The following RPRD2 variants were observed in gnomAD, a reference collection of about 807,000 sequenced individuals.
The protein encoded by RPRD2 is regulation of nuclear pre-mRNA domain containing 2.
RPRD2 carries 12 observed loss-of-function variants against 104.4 expected under a neutral mutation model. The observed-to-expected ratio is 0.11, with a 90% CI of 0.07 to 0.19. RPRD2 has a LOEUF of 0.19. Among genes scored for constraint, RPRD2 ranks in the 10% least tolerant of loss-of-function variants. RPRD2 has a pLI of 1.00. For missense variants in RPRD2, 1,543 were observed against 1,790.1 expected, an observed-to-expected ratio of 0.86 and a Z score of 2.49; for synonymous variants, 714 against 684.9, an observed-to-expected ratio of 1.04 and a Z score of -0.66.
chr1:150,381,706 G>A (rs113228110), intron 1 of RPRD2, among the ~76,000 whole-genome samples: 26 of 151,702 alleles, frequency 1.7e-4, no homozygotes, highest in Middle Eastern at 3.2e-3. Flanking sequence ...GGGTTTCACC[G>A]TGTCAGCCAG....
At position 150,389,599 on chromosome 1, in the gene RPRD2, C is replaced by T. The variant is rs587657445; in HGVS notation, c.205+24680C>T. Among the ~76,000 whole-genome samples, 4 of 152,170 alleles carry T rather than the reference C, an allele frequency of 2.6e-5. No individual in the cohort carries two copies. In the East Asian group the frequency reaches 7.7e-4, roughly 29 times the overall value. On this transcript the variant is annotated intron_variant, in intron 1 of 10. Coordinates refer to ENST00000369068, the MANE Select transcript of RPRD2 (RefSeq NM_015203.5). ...GGCTGAGATAGTTTTTTTCAGATTTCTTCTTTTTTGAAGCCTCTTACACAT... is the reference window on the plus strand; with the variant it reads ...GGCTGAGATAGTTTTTTTCAGATTTTTTCTTTTTTGAAGCCTCTTACACAT...
At position 150,364,750 on chromosome 1, in the gene RPRD2, C is replaced by G. The variant is rs1395750948; in HGVS notation, c.36C>G (p.Ala12=). The change falls in exon 1 of 11, where the codon GCC becomes GCG. Residue 12 remains alanine (A), a synonymous_variant. Coordinates refer to ENST00000369068, the MANE Select transcript of RPRD2 (RefSeq NM_015203.5). ...GCGGCGGCGGAGGCAGCAGTAAGGCCTCCTCCTCGTCGGCCTCTTCGGCAG... is the reference window on the plus strand; with the variant it reads ...GCGGCGGCGGAGGCAGCAGTAAGGCGTCCTCCTCGTCGGCCTCTTCGGCAG... ...AAGGGGGSSK[A]SSSSASSAGA... 1.9e-6 allele frequency: 3 copies of G among 1,596,752 alleles called. No individual in the cohort carries two copies. The highest frequency in any genetic ancestry group is 2.6e-6 in the Non-Finnish European group (3 of 1,171,482).
intron 9 of RPRD2, among the ~76,000 whole-genome samples, chr1:150,462,194 A>G (rs370605145): frequency 2.0e-5 from 3 of 152,038 alleles, no homozygotes; most frequent in East Asian, 1.9e-4. Flanking sequence ...AGGCAGGACA[A>G]TCACTTGAAC....
chr1:150,471,042 C>G lies in RPRD2; in HGVS notation c.2094C>G (p.Ser698Arg). 1 of 1,614,000 alleles carries G rather than the reference C, an allele frequency of 6.2e-7. No homozygotes were observed. The highest frequency in any genetic ancestry group is 8.5e-7 in the Non-Finnish European group (1 of 1,179,890). The change falls in exon 11 of 11, where the codon AGC (serine) becomes AGG (arginine). Residue 698 changes from serine to arginine, a missense_variant. Ser to Arg is a moderately radical substitution (Grantham distance 110). Coordinates refer to ENST00000369068, the MANE Select transcript of RPRD2 (RefSeq NM_015203.5). This position sits in a 1 kb window ranked among gnomAD's most constrained non-coding sequence, Gnocchi z 5.3. Reference protein sequence around the residue: ...NIPILSSLGSSAPSESHPSDF... With the variant: ...NIPILSSLGSRAPSESHPSDF... ...CAATCCTGAGCAGTTTGGGGTCCAG[C>G]GCCCCATCAGAGAGCCATCCCTCAG... is the stretch of plus-strand genomic sequence containing the variant.
chr1:150,440,893 T>G, intron 2 of RPRD2, 30 bp from the exon 3 acceptor site: 1 of 1,071,786 alleles, frequency 9.3e-7, no homozygotes, highest in East Asian at 2.5e-5. Context: ...AAGGTTTTTA[T>G]AGTCTGTATT....
chr1:150,440,348 G>A (rs1553894127), intron 2 of RPRD2, among the ~76,000 whole-genome samples: 1 of 152,232 alleles, frequency 6.6e-6, no homozygotes, highest in Non-Finnish European at 1.5e-5. Flanking sequence ...GATTACAGGC[G>A]TGAGCCACTG....
chr1:150,434,346 ACTGT>A (rs1665853844), intron 2 of RPRD2, among the ~76,000 whole-genome samples: 1 of 152,148 alleles, frequency 6.6e-6, no homozygotes, highest in Admixed American at 6.6e-5. Flanking sequence ...GCAGAGCAAG[ACTGT>A]CTATGTATAT....
At chr1:150,404,804 C>T (rs1376394669) in intron 1 of RPRD2, among the ~76,000 whole-genome samples, 2 of 152,116 alleles carry the variant, frequency 1.3e-5, no homozygotes, top group African/African-American at 2.4e-5. Context: ...GTATAACTTA[C>T]ATTCAAGAGT....
intron 1 of RPRD2, among the ~76,000 whole-genome samples, chr1:150,384,639 TTG>T (rs71086504): frequency 0.2 from 26,504 of 133,094 alleles, 2,887 homozygotes; most frequent in East Asian, 0.55. Flanking sequence ...CCTGGCTAAT[TTG>T]TGTGTGTGTG....
At chr1:150,364,955 G>T (rs1560137073) in intron 1 of RPRD2, 36 bp downstream of exon 1, 2 of 1,605,754 alleles carry the variant, frequency 1.2e-6, no homozygotes, top group African/African-American at 1.3e-5. Context: ...GGGAAGACTG[G>T]GGAAATGGAA....
intron 10 of RPRD2, 54 bp from the exon 11 acceptor site, chr1:150,470,507 C>T: frequency 6.5e-7 from 1 of 1,537,588 alleles, no homozygotes; most frequent in Non-Finnish European, 8.8e-7. Context: ...ACATTGTTTG[C>T]ATTGTATGAT....
intron 1 of RPRD2, among the ~76,000 whole-genome samples, chr1:150,370,899 A>G (rs587681727): frequency 1.4e-4 from 21 of 152,166 alleles, no homozygotes; most frequent in Admixed American, 7.2e-4. Flanking sequence ...TAGAAACTTT[A>G]TGTATAAAAA....
chr1:150,467,929 C>T (rs758013538), intron 10 of RPRD2, among the ~76,000 whole-genome samples: 48 of 151,520 alleles, frequency 3.2e-4, no homozygotes, highest in Non-Finnish European at 6.2e-4. Flanking sequence ...ACTTTGGGGA[C>T]GGGTGGATCA....
At chr1:150,450,296 A>G (rs782093197) in intron 7 of RPRD2, among the ~76,000 whole-genome samples, 1 of 152,096 alleles carries the variant, frequency 6.6e-6, no homozygotes, top group Non-Finnish European at 1.5e-5. Flanking sequence ...CTACATAACC[A>G]TCAGGTGTAT....
chr1:150,389,408 G>T (rs1661889782), intron 1 of RPRD2, among the ~76,000 whole-genome samples: 2 of 152,098 alleles, frequency 1.3e-5, no homozygotes. Context: ...CCTCAATGTG[G>T]GTTTGTCTGT....
At chr1:150,465,681 C>G (rs1398069624) in intron 10 of RPRD2, among the ~76,000 whole-genome samples, 1 of 152,140 alleles carries the variant, frequency 6.6e-6, no homozygotes, top group East Asian at 1.9e-4. Flanking sequence ...TTAGTCCCAG[C>G]TTTTAATACA....
At chr1:150,393,188 GC>G (rs1311571188) in intron 1 of RPRD2, among the ~76,000 whole-genome samples, 1 of 151,984 alleles carries the variant, frequency 6.6e-6, no homozygotes, top group Non-Finnish European at 1.5e-5. Context: ...ATTAAAGAGG[GC>G]TGGGTGCGGT....
intron 1 of RPRD2, among the ~76,000 whole-genome samples, chr1:150,396,403 G>T (rs56909494): frequency 0.047 from 7,214 of 152,028 alleles, 434 homozygotes; most frequent in African/African-American, 0.13. Context: ...TTTGCCTTTG[G>T]GTTCTTGGTC....
Position 150,364,487 on chromosome 1 carries a change from C to T in RPRD2, c.-228C>T, listed in dbSNP as rs1659670358. ...CCCTTGAACAATATTGATAAAACCTCCGAGACCCGCAGCCCCTCCTTGCAG... is the reference window on the plus strand; with the variant it reads ...CCCTTGAACAATATTGATAAAACCTTCGAGACCCGCAGCCCCTCCTTGCAG... On this transcript the variant is annotated 5_prime_UTR_variant, in exon 1 of 11. Coordinates refer to ENST00000369068, the MANE Select transcript of RPRD2 (RefSeq NM_015203.5). Among the ~76,000 whole-genome samples, 1 of 152,090 alleles carries T rather than the reference C, an allele frequency of 6.6e-6. No homozygotes were observed.
Sources: allele counts gnomAD v4.1 joint callset (sites outside exome capture counted in the v4.1 genomes callset), GRCh38; gene constraint gnomAD v4.1.1; non-coding constraint Gnocchi (gnomAD v3.1); transcripts MANE v1.5; gene names NCBI Gene and HGNC (gene_info 2026-07-23, HGNC 2026-07-21).